Variants in LRCH1 observed in about 807,000 individuals in gnomAD.
The protein encoded by LRCH1 is leucine rich repeats and calponin homology domain containing 1, also known as leucine-rich repeat and calponin homology domain-containing protein 1.
LRCH1 carries 23 observed loss-of-function variants against 94.9 expected under a neutral mutation model. The ratio of observed to expected loss-of-function variants is 0.24; its 90% CI spans 0.17 to 0.34. The LOEUF (loss-of-function observed/expected upper bound fraction) is 0.34. LRCH1 is among the 10% of genes least tolerant of loss of function. The pLI, the probability that LRCH1 is intolerant of heterozygous loss-of-function variation, is 1.00. For missense variants in LRCH1, 790 were observed against 945.9 expected (o/e 0.84, Z 2.16); for synonymous variants, 364 against 354.9 (o/e 1.03, Z -0.29).
intron 1 of LRCH1, among the ~76,000 whole-genome samples, chr13:46,636,394 G>T (rs1309867439): frequency 6.6e-6 from 1 of 152,066 alleles, no homozygotes; most frequent in Non-Finnish European, 1.5e-5. Context: ...TCTTAAGTGT[G>T]CAATTCGGTA....
chr13:46,665,835 C>A (rs1470948880), intron 2 of LRCH1, among the ~76,000 whole-genome samples: 1 of 152,122 alleles, frequency 6.6e-6, no homozygotes, highest in Admixed American at 6.5e-5. Flanking sequence ...CACTTACTTG[C>A]TTGAGAAAAA....
intron 17 of LRCH1, 143 bp downstream of exon 17, chr13:46,723,473 C>G: frequency 1.5e-6 from 1 of 647,762 alleles, no homozygotes; most frequent in East Asian, 2.7e-5. Context: ...GGGCAAGCCA[C>G]TTAACAACCC....
intron 1 of LRCH1, among the ~76,000 whole-genome samples, chr13:46,556,203 C>T (rs2050063575): frequency 6.6e-6 from 1 of 152,112 alleles, no homozygotes; most frequent in South Asian, 2.1e-4. Context: ...TTGTATATTA[C>T]AGGCCATTTG....
intron 3 of LRCH1, 143 bp downstream of exon 3, chr13:46,669,299 T>C: frequency 1.3e-6 from 1 of 783,776 alleles, no homozygotes. Flanking sequence ...AGACATTAAG[T>C]GGGGAGAGGA....
intron 4 of LRCH1, among the ~76,000 whole-genome samples, chr13:46,682,538 G>A (rs984791286): frequency 3.9e-5 from 6 of 152,190 alleles, no homozygotes; most frequent in South Asian, 2.1e-4. Flanking sequence ...GTTTTGGAAC[G>A]TGAAATTTCG....
At chr13:46,557,917 A>G (rs9567702) in intron 1 of LRCH1, among the ~76,000 whole-genome samples, 53,637 of 152,038 alleles carry the variant, frequency 0.35, 11,728 homozygotes, top group East Asian at 0.5. Flanking sequence ...GTGGTGGCGC[A>G]TGCCTGTAGT....
chr13:46,557,304 A>G (rs1343654869), intron 1 of LRCH1, among the ~76,000 whole-genome samples: 2 of 152,030 alleles, frequency 1.3e-5, no homozygotes, highest in Non-Finnish European at 2.9e-5. Flanking sequence ...GGTTCTAGAA[A>G]ATAAAAAAGA....
intron 2 of LRCH1, among the ~76,000 whole-genome samples, chr13:46,662,361 C>T (rs907610528): frequency 1.3e-5 from 2 of 152,278 alleles, no homozygotes; most frequent in Non-Finnish European, 2.9e-5. Context: ...GCTTAGGCCG[C>T]TACAAGTCTT....
chr13:46,662,305 G>A (rs2051459451), intron 2 of LRCH1, among the ~76,000 whole-genome samples: 1 of 152,142 alleles, frequency 6.6e-6, no homozygotes, highest in Non-Finnish European at 1.5e-5. Context: ...AATTTCCTGT[G>A]TGCCAGGAGC....
chr13:46,598,859 G>A (rs984723945), intron 1 of LRCH1, among the ~76,000 whole-genome samples: 5 of 152,122 alleles, frequency 3.3e-5, no homozygotes, highest in Non-Finnish European at 7.3e-5. Context: ...TTTTATAATT[G>A]CAAAATACAC....
chr13:46,588,719 G>T (rs551797661), intron 1 of LRCH1, among the ~76,000 whole-genome samples: 1 of 149,906 alleles, frequency 6.7e-6, no homozygotes, highest in East Asian at 2.0e-4. Flanking sequence ...TCCTGCCTTA[G>T]CCTCCCGAGT....
intron 1 of LRCH1, among the ~76,000 whole-genome samples, chr13:46,569,176 A>G (rs371324680): frequency 6.6e-6 from 1 of 152,218 alleles, no homozygotes; most frequent in Non-Finnish European, 1.5e-5. Flanking sequence ...GATAGAAAAA[A>G]CTGTGGCTGA....
chr13:46,593,080 CTTTG>C (rs2050518356), intron 1 of LRCH1, among the ~76,000 whole-genome samples: 1 of 151,664 alleles, frequency 6.6e-6, no homozygotes, highest in Non-Finnish European at 1.5e-5. Context: ...TAATATCCTC[CTTTG>C]GATTACTAGC....
intron 10 of LRCH1, among the ~76,000 whole-genome samples, chr13:46,699,870 A>G (rs902956885): frequency 6.6e-6 from 1 of 152,218 alleles, no homozygotes; most frequent in Non-Finnish European, 1.5e-5. Flanking sequence ...GCATTGTCCT[A>G]AATACTTGAC....
intron 1 of LRCH1, among the ~76,000 whole-genome samples, chr13:46,595,378 C>T (rs1458478185): frequency 1.3e-5 from 2 of 152,182 alleles, no homozygotes; most frequent in Non-Finnish European, 2.9e-5. Flanking sequence ...CTCTGCATCT[C>T]CACAGGGTTT....
chr13:46,662,128 T>C (rs2051456637), intron 2 of LRCH1, among the ~76,000 whole-genome samples: 2 of 152,130 alleles, frequency 1.3e-5, no homozygotes, highest in African/African-American at 4.8e-5. Flanking sequence ...GGAGAATCGC[T>C]TGAAAATGTA....
At chr13:46,675,674 GA>G (rs2051662477) in intron 3 of LRCH1, among the ~76,000 whole-genome samples, 1 of 152,176 alleles carries the variant, frequency 6.6e-6, no homozygotes, top group African/African-American at 2.4e-5. Context: ...CTCTGAGGGA[GA>G]TAACAGCGGA....
intron 1 of LRCH1, among the ~76,000 whole-genome samples, chr13:46,573,868 T>TATATATATATATATATATATATATATATA (rs1374087114): frequency 2.5e-5 from 1 of 40,468 alleles, no homozygotes; most frequent in African/African-American, 8.7e-5. Context: ...ATATATATAT[T>TATATATATATATATATATATATATATATA]TTTTTTTTTT....
intron 1 of LRCH1, among the ~76,000 whole-genome samples, chr13:46,554,031 C>T (rs928411853): frequency 6.6e-6 from 1 of 152,226 alleles, no homozygotes; most frequent in Non-Finnish European, 1.5e-5. Flanking sequence ...TGCAGGCGCG[C>T]CGCGTGCGCG....
Sources: allele counts gnomAD v4.1 joint callset (sites outside exome capture counted in the v4.1 genomes callset), GRCh38; gene constraint gnomAD v4.1.1; transcripts MANE v1.5; gene names NCBI Gene and HGNC (gene_info 2026-07-23, HGNC 2026-07-21).